Variants in PRTG observed in about 807,000 individuals in gnomAD.
The protein encoded by PRTG is protogenin, also known as immunoglobulin superfamily, DCC subclass, member 5.
PRTG carries 67 observed loss-of-function variants against 122.5 expected under a neutral mutation model. The ratio of observed to expected loss-of-function variants is 0.55; its 90% CI spans 0.45 to 0.67. The LOEUF (loss-of-function observed/expected upper bound fraction) is 0.67. PRTG is among the 30% of genes least tolerant of loss of function. PRTG has a pLI of 0.00. For missense variants in PRTG, 1,435 were observed against 1,415.4 expected (o/e 1.01, Z -0.22); for synonymous variants, 554 against 501.1 (o/e 1.11, Z -1.41).
At chr15:55,662,806 G>T (rs1383680918) in intron 11 of PRTG, among the ~76,000 whole-genome samples, 1 of 152,148 alleles carries the variant, frequency 6.6e-6, no homozygotes, top group Non-Finnish European at 1.5e-5. Context: ...CAATTATGCT[G>T]ACTAGTTTCT....
At chr15:55,674,308 A>G (rs949429428) in intron 9 of PRTG, among the ~76,000 whole-genome samples, 2 of 152,164 alleles carry the variant, frequency 1.3e-5, no homozygotes, top group African/African-American at 4.8e-5. Flanking sequence ...ATCTTGACCA[A>G]ATTAACCTCT....
chr15:55,734,744 A>G (rs1331933725), intron 2 of PRTG, among the ~76,000 whole-genome samples: 1 of 6,426 alleles, frequency 1.6e-4, no homozygotes, highest in South Asian at 0.071. Context: ...TGAGAACCAG[A>G]GGTTAAAAAA....
chr15:55,714,869 A>G (rs2030540764), intron 2 of PRTG, among the ~76,000 whole-genome samples: 1 of 152,168 alleles, frequency 6.6e-6, no homozygotes, highest in Admixed American at 6.5e-5. Flanking sequence ...TAATGAAGTC[A>G]AATGGTAATC....
rs143872461 is a variant in PRTG, at chr15:55,731,563, G to C, written c.397+8819C>G. On this transcript the variant is annotated intron_variant, in intron 2 of 19. Transcript: ENST00000389286. ...TGTTTGTATTTTTAGTAGAGATGGG[G>C]TTTCACCATGTCGGTCAGGCTGGTC... 1.0e-3 allele frequency among the ~76,000 whole-genome samples: 155 copies of C among 151,856 alleles called. 1 individual carries two copies. The highest frequency in any genetic ancestry group is 3.4e-3 in the Middle Eastern group (1 of 294).
intron 11 of PRTG, among the ~76,000 whole-genome samples, chr15:55,665,259 CA>C (rs890732230): frequency 6.7e-6 from 1 of 150,116 alleles, no homozygotes; most frequent in Non-Finnish European, 1.5e-5. Context: ...GACTCTGTCT[CA>C]AAAAAAAGAA....
Position 55,657,375 on chromosome 15 carries a change from T to C in PRTG, c.2041+15070A>G, listed in dbSNP as rs112632272. ...AAGGGGAACACACTAAAAATCATCA[T>C]ACTTGGCCATTCAGATGGAGAAAGG... On this transcript the variant is annotated intron_variant, in intron 11 of 19. Coordinates refer to ENST00000389286, the MANE Select transcript of PRTG (RefSeq NM_173814.6). Among the ~76,000 whole-genome samples the C allele has an allele frequency of 4.6e-3, 698 of 152,254 alleles. 6 individuals are homozygous for C. Among genetic ancestry groups the C allele is most frequent in the African/African-American group, 0.016 (655 of 41,536 alleles).
chr15:55,679,090 T>C (rs1432427400), intron 7 of PRTG, among the ~76,000 whole-genome samples, 196 bp downstream of exon 7: 1 of 152,206 alleles, frequency 6.6e-6, no homozygotes, highest in Non-Finnish European at 1.5e-5. Flanking sequence ...GACCCATGTA[T>C]AAAATACCAA....
At chr15:55,673,340 T>C in intron 10 of PRTG, 31 bp downstream of exon 10, 2 of 1,482,588 alleles carry the variant, frequency 1.3e-6, no homozygotes, top group Admixed American at 1.9e-5. Flanking sequence ...GTAAAAATAC[T>C]GTATTTTCTT....
chr15:55,645,515 G>A (rs952051671), intron 11 of PRTG, among the ~76,000 whole-genome samples: 1 of 149,832 alleles, frequency 6.7e-6, no homozygotes, highest in African/African-American at 2.4e-5. Flanking sequence ...CAGTAAGAGT[G>A]ATCAGCTAAA....
chr15:55,697,554 A>T (rs1157130575), intron 2 of PRTG, among the ~76,000 whole-genome samples: 1 of 152,180 alleles, frequency 6.6e-6, no homozygotes, highest in Non-Finnish European at 1.5e-5. Context: ...CACTATCGCC[A>T]GGCTGGAGTG....
At chr15:55,661,564 A>G (rs1282112212) in intron 11 of PRTG, among the ~76,000 whole-genome samples, 2 of 152,206 alleles carry the variant, frequency 1.3e-5, no homozygotes, top group African/African-American at 4.8e-5. Flanking sequence ...TTCAGGGTAG[A>G]CAATTTTCTT....
intron 2 of PRTG, among the ~76,000 whole-genome samples, chr15:55,691,473 G>A (rs2141828752): frequency 6.6e-6 from 1 of 151,990 alleles, no homozygotes; most frequent in Non-Finnish European, 1.5e-5. Flanking sequence ...ACAAGGTCAG[G>A]AAATCAAAAC....
chr15:55,701,272 C>T (rs1204313397), intron 2 of PRTG, among the ~76,000 whole-genome samples: 2 of 151,618 alleles, frequency 1.3e-5, no homozygotes, highest in Non-Finnish European at 3.0e-5. Context: ...CGCGGTGGCT[C>T]ACGCCTGTAA....
At chr15:55,734,097 G>A (rs191406501) in intron 2 of PRTG, among the ~76,000 whole-genome samples, 64 of 152,322 alleles carry the variant, frequency 4.2e-4, no homozygotes, top group African/African-American at 1.4e-3. Flanking sequence ...GTAGAGGCCA[G>A]GGATGCCGCT....
In PRTG at chr15:55,740,242, T is replaced by A. The variant is rs115794434; in HGVS notation, c.397+140A>T. 1.3e-3 allele frequency: 918 copies of A among 716,902 alleles called. 7 individuals are homozygous for A. In the African/African-American group the frequency reaches 0.015, roughly 12 times the overall value. The allele number at this position is 716,902 out of a possible 1,614,324, so 44.4% of individuals were successfully genotyped here. A position where few individuals can be genotyped will look rare whatever the true frequency, so the allele number is the denominator to read the frequency against. On this transcript the variant is annotated intron_variant, in intron 2 of 19. Coordinates refer to ENST00000389286, the MANE Select transcript of PRTG (RefSeq NM_173814.6). ...CGTATTTTTTTCAGATTTCTCTATA[T>A]GCCTCAGTTAGCATCAACTATTATC...
intron 11 of PRTG, among the ~76,000 whole-genome samples, chr15:55,656,601 G>A (rs565833863): frequency 1.3e-5 from 2 of 152,070 alleles, no homozygotes; most frequent in Non-Finnish European, 2.9e-5. Context: ...TCTGCCTCCC[G>A]GGTTCATGCC....
At chr15:55,625,979 C>T (rs565670038) in intron 17 of PRTG, among the ~76,000 whole-genome samples, 151 of 152,218 alleles carry the variant, frequency 9.9e-4, no homozygotes, top group African/African-American at 3.6e-3. Flanking sequence ...TCTGAAACTC[C>T]TGGCCTCAAG....
chr15:55,667,132 C>A (rs932394109), intron 11 of PRTG, among the ~76,000 whole-genome samples: 1 of 151,590 alleles, frequency 6.6e-6, no homozygotes, highest in African/African-American at 2.4e-5. Context: ...AGGAGATATA[C>A]CTCTAATTCA....
At chr15:55,622,216 GTTTT>G (rs35973280) in intron 18 of PRTG, among the ~76,000 whole-genome samples, 1 of 113,410 alleles carries the variant, frequency 8.8e-6, no homozygotes. Flanking sequence ...ATTAGTACTT[GTTTT>G]TTTTTTTTTT....
Sources: gnomAD v4.1 joint callset for allele counts (sites outside exome capture counted in the v4.1 genomes callset) on GRCh38, gnomAD v4.1.1 for gene constraint, MANE v1.5 for transcripts, NCBI Gene and HGNC (gene_info 2026-07-23, HGNC 2026-07-21) for gene names.